Variants in TENM3 observed in about 807,000 individuals in gnomAD.
TENM3 encodes teneurin transmembrane protein 3.
TENM3 carries 63 observed loss-of-function variants against 255.1 expected under a neutral mutation model. The observed-to-expected ratio is 0.25, with a 90% CI of 0.20 to 0.30. The LOEUF (loss-of-function observed/expected upper bound fraction) is 0.30. Ranked by LOEUF, TENM3 falls within the 10% of genes least tolerant of loss-of-function variation. The probability of loss-of-function intolerance (pLI) is 1.00; values close to 1 mark genes in which losing one functional copy is unlikely to be tolerated. For synonymous variants in TENM3, 1,306 were observed against 1,322.3 expected, an observed-to-expected ratio of 0.99 and a Z score of 0.27; for missense variants, 2,929 against 3,461.1, an observed-to-expected ratio of 0.85 and a Z score of 3.86.
chr4:181,541,790 T>G, the TENM3 span, among the ~76,000 whole-genome samples: 2 of 152,172 alleles, frequency 1.3e-5, no homozygotes, highest in Non-Finnish European at 2.9e-5. Flanking sequence ...TCAACATAGT[T>G]CCTTTAAGGA....
chr4:181,691,701 A>C, the TENM3 span, among the ~76,000 whole-genome samples: 1 of 152,168 alleles, frequency 6.6e-6, no homozygotes, highest in African/African-American at 2.4e-5. Flanking sequence ...CAACCAATAC[A>C]TTCTTAAAAA....
At chr4:181,504,768 G>C in the TENM3 span, among the ~76,000 whole-genome samples, 1 of 152,230 alleles carries the variant, frequency 6.6e-6, no homozygotes, top group Non-Finnish European at 1.5e-5. Flanking sequence ...GGTACAGCTT[G>C]TGGTGCTGGG....
chr4:182,115,400 G>A, the TENM3 span, among the ~76,000 whole-genome samples: 1 of 152,170 alleles, frequency 6.6e-6, no homozygotes, highest in Non-Finnish European at 1.5e-5. Context: ...AACAGTTACA[G>A]TTCAGTTATT....
At chr4:182,472,461 T>G (rs747468972) in intron 3 of TENM3, among the ~76,000 whole-genome samples, 1 of 152,204 alleles carries the variant, frequency 6.6e-6, no homozygotes, top group South Asian at 2.1e-4. Context: ...ATTTAAAACT[T>G]TCTAGGTTTA....
the TENM3 span, among the ~76,000 whole-genome samples, chr4:181,618,953 T>G: frequency 0.011 from 1,749 of 152,220 alleles, 41 homozygotes; most frequent in African/African-American, 0.04. Context: ...GCAGATCCAC[T>G]CTCTACTTCT....
At chr4:181,780,591 G>A in the TENM3 span, among the ~76,000 whole-genome samples, 2 of 152,128 alleles carry the variant, frequency 1.3e-5, no homozygotes, top group African/African-American at 2.4e-5. Context: ...TAGGTTGCCT[G>A]TTCGCTCTGA....
chr4:182,290,734 A>ACCTCGTGATCCGCCTGC (rs1761066129), intron 1 of TENM3, among the ~76,000 whole-genome samples: 1 of 151,888 alleles, frequency 6.6e-6, no homozygotes, highest in African/African-American at 2.4e-5. Context: ...CGATCTCCTG[A>ACCTCGTGATCCGCCTGC]CCTCGTGATC....
chr4:182,489,237 A>T (rs974503855), intron 3 of TENM3, among the ~76,000 whole-genome samples: 2 of 148,136 alleles, frequency 1.4e-5, no homozygotes, highest in Admixed American at 6.9e-5. Flanking sequence ...TACATTTTAT[A>T]ATGTGCTCTA....
At chr4:181,510,303 G>A in the TENM3 span, among the ~76,000 whole-genome samples, 57 of 151,470 alleles carry the variant, frequency 3.8e-4, no homozygotes, top group Non-Finnish European at 7.4e-4. Flanking sequence ...CTGACCATTC[G>A]AACAAGTAGA....
chr4:181,932,534 G>C, the TENM3 span, among the ~76,000 whole-genome samples: 1 of 152,166 alleles, frequency 6.6e-6, no homozygotes, highest in African/African-American at 2.4e-5. Context: ...GAGAGGATGT[G>C]GAAAAATAGG....
At position 182,677,184 on chromosome 4, in the gene TENM3, C is replaced by T. The variant is rs547495113; in HGVS notation, c.1327-2482C>T. Among the ~76,000 whole-genome samples, 69 of 152,174 alleles carry T rather than the reference C, an allele frequency of 4.5e-4. 1 individual carries two copies. In the South Asian group the frequency reaches 0.014, roughly 30 times the overall value. On this transcript the variant is annotated intron_variant, in intron 7 of 27. Transcript: ENST00000511685. ...GGGAACTTTTTTTAGGTATTTGAAT[C>T]GCCCTCCTGAATTCATGTGCGAAAC...
the TENM3 span, among the ~76,000 whole-genome samples, chr4:181,528,002 C>T: frequency 6.6e-6 from 1 of 151,594 alleles, no homozygotes; most frequent in Non-Finnish European, 1.5e-5. Flanking sequence ...TTTTTTAAAA[C>T]AATTTTTTAA....
At chr4:182,101,104 G>GAGGGAGGAAGGAAGGAAGGA in the TENM3 span, among the ~76,000 whole-genome samples, 1 of 11,680 alleles carries the variant, frequency 8.6e-5, no homozygotes, top group Non-Finnish European at 1.9e-4. Context: ...GGGAGGGAGG[G>GAGGGAGGAAGGAAGGAAGGA]AGGAAGGAAA....
chr4:182,534,656 G>A lies in TENM3; in HGVS notation c.512-66268G>A, dbSNP rs994199166. 5.9e-5 allele frequency among the ~76,000 whole-genome samples: 9 copies of A among 152,228 alleles called. No individual in the cohort carries two copies. The South Asian group carries it at 1.0e-3, about 18-fold the overall frequency. On this transcript the variant is annotated intron_variant, in intron 3 of 27. Coordinates refer to ENST00000511685, the MANE Select transcript of TENM3 (RefSeq NM_001080477.4). ...TTTATATATAAGAGCTTGTTTCTTC[G>A]AAATATTAAGCAAATTGCCTAAGGA... is the stretch of plus-strand genomic sequence containing the variant.
At chr4:182,053,131 T>C in the TENM3 span, among the ~76,000 whole-genome samples, 2 of 152,114 alleles carry the variant, frequency 1.3e-5, no homozygotes, top group Non-Finnish European at 2.9e-5. Context: ...TTAGCAGTAT[T>C]TTCTATGACC....
chr4:182,278,076 C>T (rs1418698580), intron 1 of TENM3, among the ~76,000 whole-genome samples: 1 of 152,120 alleles, frequency 6.6e-6, no homozygotes, highest in Non-Finnish European at 1.5e-5. Flanking sequence ...CAATAACAAA[C>T]GTACTAGCAG....
At chr4:182,141,192 A>G (rs989985378), upstream of TENM3, 2 of 152,252 alleles carry the variant, frequency 1.3e-5, no homozygotes, top group African/African-American at 4.8e-5. Flanking sequence ...CACACCGCAA[A>G]GTCACCAGCC....
rs1173920813 is a variant in TENM3 at position 182,161,859 on chromosome 4, A to G, written c.-76+17105A>G. On this transcript the variant is annotated intron_variant, in intron 1 of 2. Coordinates refer to the TENM3 transcript ENST00000512480. ...TATGTGTATATATACACAAATATATATGTGTATATATGTGTATATATATAC... is the reference window on the plus strand; with the variant it reads ...TATGTGTATATATACACAAATATATGTGTGTATATATGTGTATATATATAC... 7.8e-4 allele frequency among the ~76,000 whole-genome samples: 21 copies of G among 26,822 alleles called. 1 individual carries two copies. Among genetic ancestry groups the G allele is most frequent in the Admixed American group, 1.4e-3 (2 of 1,440 alleles). 17.6% of individuals were successfully genotyped at this position (26,822 alleles called of 152,430 possible).
At chr4:181,699,498 A>G in the TENM3 span, among the ~76,000 whole-genome samples, 1 of 148,870 alleles carries the variant, frequency 6.7e-6, no homozygotes, top group Non-Finnish European at 1.5e-5. Context: ...AAAATACTTT[A>G]GATACATTGC....
Sources: allele counts gnomAD v4.1 joint callset (sites outside exome capture counted in the v4.1 genomes callset), GRCh38; gene constraint gnomAD v4.1.1; transcripts MANE v1.5; gene names NCBI Gene and HGNC (gene_info 2026-07-23, HGNC 2026-07-21).